FBXL17: variants seen among roughly 807,000 people sequenced by gnomAD.
FBXL17 encodes F-box/LRR-repeat protein 17.
FBXL17 carries 22 observed loss-of-function variants against 66.2 expected under a neutral mutation model. That is an observed-to-expected ratio of 0.33 (90% confidence interval 0.24 to 0.47). FBXL17 has a LOEUF of 0.47. Ranked by LOEUF, FBXL17 falls within the 20% of genes least tolerant of loss-of-function variation. The probability of loss-of-function intolerance (pLI) is 1.00; values close to 1 mark genes in which losing one functional copy is unlikely to be tolerated. For missense variants in FBXL17, 878 were observed against 948.2 expected (o/e 0.93, Z 0.97); for synonymous variants, 474 against 400.5 (o/e 1.18, Z -2.19).
chr5:107,979,392 A>G (rs1561349743), intron 7 of FBXL17, among the ~76,000 whole-genome samples: 2 of 152,220 alleles, frequency 1.3e-5, no homozygotes, highest in Non-Finnish European at 2.9e-5. Context: ...TGGACCCATC[A>G]ATGTTAAGGG....
chr5:107,864,721 G>A (rs951310852), intron 8 of FBXL17, among the ~76,000 whole-genome samples: 13 of 152,000 alleles, frequency 8.6e-5, no homozygotes, highest in Admixed American at 5.2e-4. Flanking sequence ...GCTCCCCTTC[G>A]CCTTCCACCA....
intron 6 of FBXL17, among the ~76,000 whole-genome samples, chr5:108,076,712 C>T (rs1180403332): frequency 2.0e-5 from 3 of 152,138 alleles, no homozygotes; most frequent in Admixed American, 1.3e-4. Flanking sequence ...GCAATGTCCC[C>T]TCCCCTTTCT....
At chr5:108,132,704 T>C (rs1201005339) in intron 6 of FBXL17, among the ~76,000 whole-genome samples, 1 of 152,204 alleles carries the variant, frequency 6.6e-6, no homozygotes, top group African/African-American at 2.4e-5. Flanking sequence ...GCCTTCATTA[T>C]TACTTCCTCT....
At chr5:107,862,604 A>G (rs1348362163) in intron 8 of FBXL17, among the ~76,000 whole-genome samples, 1 of 152,244 alleles carries the variant, frequency 6.6e-6, no homozygotes, top group Non-Finnish European at 1.5e-5. Context: ...CATCCTTTAG[A>G]TAAATAAATG....
intron 6 of FBXL17, among the ~76,000 whole-genome samples, chr5:108,076,397 A>T (rs1353793771): frequency 1.3e-5 from 2 of 152,168 alleles, no homozygotes; most frequent in African/African-American, 4.8e-5. Context: ...TGGCTTACTT[A>T]TATCTTTTTC....
chr5:108,144,572 T>C (rs1023523987), intron 6 of FBXL17, among the ~76,000 whole-genome samples: 9 of 152,178 alleles, frequency 5.9e-5, no homozygotes, highest in Admixed American at 5.9e-4. Context: ...ATACCACGTG[T>C]TCCAACATTT....
intron 7 of FBXL17, among the ~76,000 whole-genome samples, chr5:107,936,908 T>C (rs1035719786): frequency 2.0e-5 from 3 of 152,058 alleles, no homozygotes; most frequent in African/African-American, 7.2e-5. Flanking sequence ...TCTTTCACAC[T>C]TTTTTTAAGT....
chr5:107,939,641 C>A (rs1159188847), intron 7 of FBXL17, among the ~76,000 whole-genome samples: 3 of 152,162 alleles, frequency 2.0e-5, no homozygotes, highest in African/African-American at 7.2e-5. Context: ...CGGAGGATCA[C>A]CCTGTCTCCA....
chr5:107,904,505 T>A (rs574463366), intron 7 of FBXL17, among the ~76,000 whole-genome samples: 1 of 152,182 alleles, frequency 6.6e-6, no homozygotes, highest in Non-Finnish European at 1.5e-5. Flanking sequence ...TTACATCATC[T>A]GATATATAAC....
intron 5 of FBXL17, 107 bp downstream of exon 5, chr5:108,224,014 C>T (rs1754985530): frequency 4.6e-6 from 2 of 433,906 alleles, no homozygotes; most frequent in Non-Finnish European, 4.2e-6. Flanking sequence ...CATTAGTAGG[C>T]TTCTATAATG....
At chr5:107,930,980 GTAAA>G (rs1561326113) in intron 7 of FBXL17, among the ~76,000 whole-genome samples, 2 of 85,794 alleles carry the variant, frequency 2.3e-5, no homozygotes, top group Non-Finnish European at 4.6e-5. Context: ...TGGATAAAAA[GTAAA>G]TAAAGACATT....
At chr5:108,057,583 C>A (rs1371176546) in intron 6 of FBXL17, among the ~76,000 whole-genome samples, 1 of 152,134 alleles carries the variant, frequency 6.6e-6, no homozygotes, top group African/African-American at 2.4e-5. Flanking sequence ...AAATTAAATG[C>A]ACAATCTTCA....
In FBXL17 at chr5:108,364,804, G is replaced by A; in HGVS notation, c.1308C>T (p.His436=). 1.2e-6 allele frequency: 2 copies of A among 1,612,752 alleles called. No individual in the cohort carries two copies. Among genetic ancestry groups the A allele is most frequent in the East Asian group, 4.5e-5 (2 of 44,848 alleles). Reference sequence around the variant, plus strand: ...CATGCACTTTCTGAAGTAAAGGACAGTGAGAGGCAACCGCAATAATAGAGG... The same window carrying A: ...CATGCACTTTCTGAAGTAAAGGACAATGAGAGGCAACCGCAATAATAGAGG... ...SDTSIIAVAS[H]CPLLQKVHVG... is the part of the protein sequence containing the mutation. Residue 436 remains histidine (H), a synonymous_variant, in exon 3 of 9, where the codon CAC becomes CAT. Coordinates refer to ENST00000542267, the MANE Select transcript of FBXL17 (RefSeq NM_001163315.3).
At chr5:108,044,631 G>C (rs951512609) in intron 6 of FBXL17, among the ~76,000 whole-genome samples, 2 of 152,066 alleles carry the variant, frequency 1.3e-5, no homozygotes, top group Non-Finnish European at 2.9e-5. Flanking sequence ...TTGCTCAGCA[G>C]GGTAATATTA....
chr5:108,118,800 G>C (rs1750364648), intron 6 of FBXL17, among the ~76,000 whole-genome samples: 1 of 151,938 alleles, frequency 6.6e-6, no homozygotes, highest in African/African-American at 2.4e-5. Context: ...CTATGTTCTG[G>C]ACACATCCAA....
rs180904182 is a variant in FBXL17, at chr5:108,053,451, T to C, written c.1746-32450A>G. On this transcript the variant is annotated intron_variant, in intron 6 of 8. Transcript: ENST00000542267. ...AACAAACATATGAAAAAAAGCTCAA[T>C]AGATTGCGCCACTGCACTCCAACCT... 2.5e-4 allele frequency among the ~76,000 whole-genome samples: 38 copies of C among 151,636 alleles called. No individual in the cohort carries two copies. The East Asian group carries it at 6.2e-3, about 25-fold the overall frequency.
intron 3 of FBXL17, among the ~76,000 whole-genome samples, chr5:108,351,753 C>T (rs1237204115): frequency 6.6e-6 from 1 of 152,136 alleles, no homozygotes; most frequent in Non-Finnish European, 1.5e-5. Context: ...GAATAGGAGG[C>T]CCCATGAGAC....
chr5:108,297,893 A>G, intron 4 of FBXL17: 1 of 941,690 alleles, frequency 1.1e-6, no homozygotes, highest in Non-Finnish European at 1.3e-6. Flanking sequence ...AACCTAAAAT[A>G]TTCAGCAAAA....
At position 107,883,468 on chromosome 5, in the gene FBXL17, G is replaced by A. The variant is rs574071748; in HGVS notation, c.1823-2289C>T. Among the ~76,000 whole-genome samples the A allele has an allele frequency of 1.1e-3, 166 of 152,048 alleles. 6 individuals are homozygous for A. In the South Asian group the frequency reaches 0.034, roughly 31 times the overall value. ...GAGCTCAGAGGCCAGTTGAGTGGAGGTGGGGGGTGGGTGCGACGTGGGGTA... is the reference window on the plus strand; with the variant it reads ...GAGCTCAGAGGCCAGTTGAGTGGAGATGGGGGGTGGGTGCGACGTGGGGTA... On this transcript the variant is annotated intron_variant, in intron 7 of 8. Transcript: ENST00000542267.
Sources: gnomAD v4.1 joint callset for allele counts (sites outside exome capture counted in the v4.1 genomes callset) on GRCh38, gnomAD v4.1.1 for gene constraint, MANE v1.5 for transcripts, NCBI Gene and HGNC (gene_info 2026-07-23, HGNC 2026-07-21) for gene names.